COL8A1: variants seen among roughly 807,000 people sequenced by gnomAD.
COL8A1 encodes the protein collagen alpha-1(VIII) chain.
In COL8A1, 21 loss-of-function variants were observed where a neutral mutation model predicts 42.7. The ratio of observed to expected loss-of-function variants is 0.49; its 90% CI spans 0.35 to 0.71. COL8A1 has a LOEUF of 0.71. Among genes scored for constraint, COL8A1 ranks in the 30% least tolerant of loss-of-function variants. The pLI is 0.01. For synonymous variants in COL8A1, 367 were observed against 369.1 expected, an observed-to-expected ratio of 0.99 and a Z score of 0.06; for missense variants, 788 against 962.4, an observed-to-expected ratio of 0.82 and a Z score of 2.40.
chr3:99,771,760 T>A (rs1004397334), intron 2 of COL8A1, among the ~76,000 whole-genome samples: 3 of 152,178 alleles, frequency 2.0e-5, no homozygotes, highest in African/African-American at 7.2e-5. Flanking sequence ...ATACTAGGCA[T>A]GGCTAGGTTT....
intron 1 of COL8A1, among the ~76,000 whole-genome samples, chr3:99,673,707 G>A (rs1179132720): frequency 6.6e-6 from 1 of 151,894 alleles, no homozygotes; most frequent in East Asian, 1.9e-4. Flanking sequence ...ATCATTTTAT[G>A]TGCCATTTTA....
At chr3:99,718,541 C>T (rs1940064600) in intron 1 of COL8A1, among the ~76,000 whole-genome samples, 1 of 152,000 alleles carries the variant, frequency 6.6e-6, no homozygotes, top group Admixed American at 6.6e-5. Flanking sequence ...TACTTCTAAT[C>T]CCATCCTACA....
At chr3:99,650,517 C>G (rs1937810359) in intron 1 of COL8A1, among the ~76,000 whole-genome samples, 1 of 152,024 alleles carries the variant, frequency 6.6e-6, no homozygotes. Context: ...TCACTGTGAC[C>G]TTCACCTCCC....
chr3:99,697,026 G>A (rs1370328151), intron 1 of COL8A1, among the ~76,000 whole-genome samples: 11 of 112,412 alleles, frequency 9.8e-5, no homozygotes, highest in East Asian at 3.0e-4. Flanking sequence ...TCGCTCTGTC[G>A]CCCAGGCTGG....
chr3:99,736,734 G>A (rs1448431514), intron 1 of COL8A1, among the ~76,000 whole-genome samples: 28 of 152,054 alleles, frequency 1.8e-4, no homozygotes, highest in African/African-American at 6.8e-4. Flanking sequence ...GAGTTCTGTA[G>A]ATGTCTATTA....
intron 1 of COL8A1, among the ~76,000 whole-genome samples, chr3:99,640,388 A>G (rs1426757932): frequency 6.6e-6 from 1 of 152,198 alleles, no homozygotes; most frequent in East Asian, 1.9e-4. Flanking sequence ...TTCTTCTTTT[A>G]TGGTAGTGCC....
At chr3:99,718,545 T>C (rs1940064780) in intron 1 of COL8A1, among the ~76,000 whole-genome samples, 1 of 151,984 alleles carries the variant, frequency 6.6e-6, no homozygotes, top group Admixed American at 6.6e-5. Flanking sequence ...TCTAATCCCA[T>C]CCTACAATCC....
At chr3:99,680,165 G>C (rs113435010) in intron 1 of COL8A1, 2 of 151,794 alleles carry the variant, frequency 1.3e-5, no homozygotes, top group African/African-American at 4.9e-5. Context: ...CCCATGACAG[G>C]CCCCGGTGTG....
chr3:99,722,222 A>C (rs1045904794), intron 1 of COL8A1, among the ~76,000 whole-genome samples: 1 of 152,162 alleles, frequency 6.6e-6, no homozygotes, highest in African/African-American at 2.4e-5. Context: ...ATTCCAGGAC[A>C]TGAAAGACAG....
intron 1 of COL8A1, among the ~76,000 whole-genome samples, chr3:99,641,112 C>A (rs1203082131): frequency 1.3e-5 from 2 of 151,948 alleles, no homozygotes; most frequent in Non-Finnish European, 2.9e-5. Flanking sequence ...AAACATATGC[C>A]ACTTTATTCC....
At chr3:99,766,950 G>GAA (rs11428773) in intron 2 of COL8A1, among the ~76,000 whole-genome samples, 138 of 147,860 alleles carry the variant, frequency 9.3e-4, no homozygotes, top group Non-Finnish European at 1.2e-3. Context: ...ACTCTGTCTT[G>GAA]AAAAAAAAAA....
rs34062497 is a variant in COL8A1 at position 99,723,003 on chromosome 3, T to TTGTGTGTGTG, written c.-128-21872_-128-21863dup. On this transcript the variant is annotated intron_variant, in intron 1 of 3. Transcript: ENST00000652472. ...TTGAGAAAAAAATCAGAGACCAAAG[T>TTGTGTGTGTG]TGTGTGTGTGTGTGTGTGTGTGTGT... Among the ~76,000 whole-genome samples the TTGTGTGTGTG allele has an allele frequency of 3.5e-3, 518 of 147,174 alleles. 3 individuals carry two copies. Among genetic ancestry groups the TTGTGTGTGTG allele is most frequent in the African/African-American group, 0.012 (480 of 39,912 alleles).
At chr3:99,661,563 C>A (rs1267253824) in intron 1 of COL8A1, among the ~76,000 whole-genome samples, 1 of 152,024 alleles carries the variant, frequency 6.6e-6, no homozygotes, top group Non-Finnish European at 1.5e-5. Flanking sequence ...ATTATGGCAG[C>A]TCCTTAAAAA....
At chr3:99,665,846 T>G (rs2107306970) in intron 1 of COL8A1, among the ~76,000 whole-genome samples, 1 of 149,202 alleles carries the variant, frequency 6.7e-6, no homozygotes, top group South Asian at 2.1e-4. Context: ...CACACTTAGC[T>G]AATTTTTTTT....
chr3:99,736,900 A>G (rs957165603), intron 1 of COL8A1, among the ~76,000 whole-genome samples: 1 of 152,192 alleles, frequency 6.6e-6, no homozygotes, highest in African/African-American at 2.4e-5. Flanking sequence ...GACTTGCTTT[A>G]TGAATCTTGG....
chr3:99,650,514 G>A (rs1160847596), intron 1 of COL8A1, among the ~76,000 whole-genome samples: 1 of 151,766 alleles, frequency 6.6e-6, no homozygotes, highest in African/African-American at 2.4e-5. Flanking sequence ...GGCTCACTGT[G>A]ACCTTCACCT....
At chr3:99,680,743 A>G (rs1279584728) in intron 1 of COL8A1, among the ~76,000 whole-genome samples, 1 of 152,214 alleles carries the variant, frequency 6.6e-6, no homozygotes, top group Non-Finnish European at 1.5e-5. Context: ...TCTGTATACT[A>G]TAAGGCTCCA....
intron 2 of COL8A1, among the ~76,000 whole-genome samples, chr3:99,774,467 T>A (rs1941653289): frequency 6.6e-6 from 1 of 152,222 alleles, no homozygotes; most frequent in Admixed American, 6.5e-5. Flanking sequence ...TTCAGACTGA[T>A]ATTAAAATAA....
intron 1 of COL8A1, among the ~76,000 whole-genome samples, chr3:99,700,324 G>A (rs987955904): frequency 2.6e-5 from 4 of 151,414 alleles, no homozygotes; most frequent in East Asian, 1.9e-4. Flanking sequence ...AAGAACTCGC[G>A]TGAAATGGTG....
Sources: gnomAD v4.1 joint callset for allele counts (sites outside exome capture counted in the v4.1 genomes callset) on GRCh38, gnomAD v4.1.1 for gene constraint, MANE v1.5 for transcripts, NCBI Gene and HGNC (gene_info 2026-07-23, HGNC 2026-07-21) for gene names.